Variants in MAN2B2 observed in about 807,000 individuals in gnomAD.
MAN2B2 encodes mannosidase alpha class 2B member 2.
Under a neutral mutation model 117.1 loss-of-function variants are expected in MAN2B2, and 106 were observed. The observed-to-expected ratio is 0.90, with a 90% CI of 0.77 to 1.06. MAN2B2 has a LOEUF of 1.06. Ranked by LOEUF, MAN2B2 falls within the 50% of genes least tolerant of loss-of-function variation. MAN2B2 has a pLI of 0.00. For synonymous variants in MAN2B2, 544 were observed against 595.1 expected (o/e 0.91, Z 1.25); for missense variants, 1,326 against 1,381.4 (o/e 0.96, Z 0.64).
intron 4 of MAN2B2, among the ~76,000 whole-genome samples, chr4:6,587,744 G>GTTTTTT (rs1553912035): frequency 7.8e-6 from 1 of 128,082 alleles, no homozygotes. Context: ...GGTCTTTTGG[G>GTTTTTT]TTGTTGTTTT....
At chr4:6,605,456 C>T in intron 11 of MAN2B2, 127 bp downstream of exon 11, 2 of 1,071,994 alleles carry the variant, frequency 1.9e-6, no homozygotes, top group South Asian at 3.3e-5. Flanking sequence ...GAAACCCCTT[C>T]CTGCTATTGT....
intron 4 of MAN2B2, 29 bp downstream of exon 4, chr4:6,587,197 C>T: frequency 3.7e-6 from 6 of 1,601,048 alleles, no homozygotes; most frequent in Non-Finnish European, 4.3e-6. Context: ...CTGCTGCCGC[C>T]CAGCGACCGC....
At position 6,621,474 on chromosome 4, in the gene MAN2B2, A is replaced by C. The variant is rs1319837953; in HGVS notation, c.*189A>C. 2 of 563,286 alleles carry C rather than the reference A, an allele frequency of 3.6e-6. No homozygotes were observed. The highest frequency in any genetic ancestry group is 6.3e-6 in the Non-Finnish European group (2 of 316,190). The allele number at this position is 563,286 out of a possible 1,614,324, so 34.9% of individuals were successfully genotyped here. A position where few individuals can be genotyped will look rare whatever the true frequency, so the allele number is the denominator to read the frequency against. ...TTTTTTAAACAAAAATTACATTACA[A>C]GATCCAGGTTCTTCCCCCCCACACT... On this transcript the variant is annotated 3_prime_UTR_variant, in exon 19 of 19. Coordinates refer to ENST00000285599, the MANE Select transcript of MAN2B2 (RefSeq NM_015274.3).
rs766435349 is a variant in MAN2B2, at chr4:6,597,139, T to C, written c.1084T>C (p.Tyr362His). ...TEPFQAWTGF[Y>H]TSRSSLKGLA... ...ACCATTCCAGGCCTGGACGGGCTTC[T>C]ACACGTCCCGCAGCTCACTGAAGGG... The change falls in exon 8 of 19, where the codon TAC becomes CAC. Residue 362 changes from tyrosine (Y) to histidine (H), a missense_variant. Tyr to His is a moderately conservative substitution (Grantham distance 83, BLOSUM62 2). Coordinates refer to ENST00000285599, the MANE Select transcript of MAN2B2 (RefSeq NM_015274.3). The C allele has an allele frequency of 1.9e-6, 3 of 1,613,452 alleles. No homozygotes were observed. Among genetic ancestry groups the C allele is most frequent in the Non-Finnish European group, 2.5e-6 (3 of 1,179,904 alleles).
chr4:6,612,648 C>A (rs372956631), intron 15 of MAN2B2, among the ~76,000 whole-genome samples: 1 of 152,182 alleles, frequency 6.6e-6, no homozygotes, highest in African/African-American at 2.4e-5. Flanking sequence ...TCTGATTGGC[C>A]TAGCAGGGTC....
chr4:6,617,734 G>A (rs1004866214), intron 17 of MAN2B2: 2 of 571,112 alleles, frequency 3.5e-6, no homozygotes, highest in Admixed American at 3.6e-5. Flanking sequence ...AGTCTGGGGT[G>A]CAGTGGCACA....
chr4:6,617,183 C>T (rs1711920653), intron 16 of MAN2B2, among the ~76,000 whole-genome samples, 197 bp from the exon 17 acceptor site: 1 of 152,172 alleles, frequency 6.6e-6, no homozygotes. Flanking sequence ...TTACCTCCCA[C>T]CAGGTCCCTC....
At chr4:6,614,135 G>C in intron 15 of MAN2B2, 83 bp from the exon 16 acceptor site, 1 of 1,524,306 alleles carries the variant, frequency 6.6e-7, no homozygotes, top group Admixed American at 1.8e-5. Context: ...AGGGGCAGGG[G>C]CATGTAATGT....
In MAN2B2 at chr4:6,578,384, CA is replaced by C. The variant is rs764211360; in HGVS notation, c.286-8del. 8.7e-6 allele frequency: 14 copies of C among 1,608,944 alleles called. No homozygotes were observed. Among genetic ancestry groups the C allele is most frequent in the African/African-American group, 1.3e-5 (1 of 74,756 alleles). ...ACTGGCTTTTTTCTCTCTGCCTGCC[CA>C]TGTCAAGGTCCGCCAGCTCCTGGAG... On this transcript the variant is annotated splice_region_variant and splice_polypyrimidine_tract_variant and intron_variant, in intron 2 of 18. Transcript: ENST00000285599.
At chr4:6,581,005 A>T (rs1216692277) in intron 3 of MAN2B2, among the ~76,000 whole-genome samples, 2 of 151,936 alleles carry the variant, frequency 1.3e-5, no homozygotes, top group Non-Finnish European at 2.9e-5. Context: ...GTCCAAGCTC[A>T]TGGGGCCCTC....
At chr4:6,599,662 CAA>C (rs34126657) in intron 9 of MAN2B2, among the ~76,000 whole-genome samples, 1,130 of 93,336 alleles carry the variant, frequency 0.012, 14 homozygotes, top group African/African-American at 0.045. Flanking sequence ...GACTCCGTCT[CAA>C]AAAAAAAAAA....
At chr4:6,610,767 C>T (rs1727736336) in intron 13 of MAN2B2, 113 bp from the exon 14 acceptor site, 8 of 857,122 alleles carry the variant, frequency 9.3e-6, no homozygotes, top group South Asian at 8.9e-5. Flanking sequence ...GGGTCCCAGC[C>T]CCATGCTGCT....
intron 2 of MAN2B2, 134 bp downstream of exon 2, chr4:6,576,858 AT>A: frequency 1.1e-6 from 1 of 936,780 alleles, no homozygotes; most frequent in Non-Finnish European, 1.6e-6. Flanking sequence ...CCACCGGGCT[AT>A]TCACAGCCTT....
Position 6,576,357 on chromosome 4 carries a change from G to T in MAN2B2, c.139-221G>T, listed in dbSNP as rs116668756. ...AGGGCACCTGTCTCTGCCCATGTAG[G>T]GTGTCTGTTTCCCCGTCCCTCTCCC... On this transcript the variant is annotated intron_variant, in intron 1 of 18. Coordinates refer to ENST00000285599, the MANE Select transcript of MAN2B2 (RefSeq NM_015274.3). Among the ~76,000 whole-genome samples, 1,019 of 152,274 alleles carry T rather than the reference G, an allele frequency of 6.7e-3. 13 individuals carry two copies. The highest frequency in any genetic ancestry group is 0.023 in the African/African-American group (962 of 41,544).
chr4:6,583,452 G>A (rs1726518078), intron 3 of MAN2B2, among the ~76,000 whole-genome samples: 1 of 152,204 alleles, frequency 6.6e-6, no homozygotes, highest in Non-Finnish European at 1.5e-5. Context: ...AGGACAGAAT[G>A]TATATCGGAC....
At chr4:6,585,175 C>T (rs1385744649) in intron 3 of MAN2B2, among the ~76,000 whole-genome samples, 1 of 152,176 alleles carries the variant, frequency 6.6e-6, no homozygotes, top group African/African-American at 2.4e-5. Context: ...CAGCCCCACT[C>T]CTCACCTCCC....
intron 3 of MAN2B2, among the ~76,000 whole-genome samples, chr4:6,579,225 C>CGAT (rs1726275647): frequency 1.9e-5 from 1 of 52,400 alleles, no homozygotes; most frequent in Non-Finnish European, 4.3e-5. Flanking sequence ...ACCACCACCA[C>CGAT]CACCATCACC....
At chr4:6,614,458 G>T in intron 16 of MAN2B2, 103 bp downstream of exon 16, 1 of 1,358,118 alleles carries the variant, frequency 7.4e-7, no homozygotes, top group Admixed American at 2.2e-5. Context: ...AGCTATCATG[G>T]CTCTGCAAGG....
chr4:6,610,983 A>G lies in MAN2B2; in HGVS notation c.2363A>G (p.Gln788Arg), dbSNP rs141412552. ...AHGISSQGNGQVEVMLHRRLW... is the reference protein window; with the variant it reads ...AHGISSQGNGRVEVMLHRRLW... ...GGCATCTCCAGCCAAGGGAATGGGC[A>G]GGTGGAGGTAGGAGGCACGGTCTGT... The change falls in exon 14 of 19, where the codon CAG becomes CGG. Residue 788 changes from glutamine (Q) to arginine (R), a missense_variant. Physicochemically the swap from Gln to Arg is conservative, Grantham distance 43. Coordinates refer to ENST00000285599, the MANE Select transcript of MAN2B2 (RefSeq NM_015274.3). The G allele has an allele frequency of 2.7e-4, 437 of 1,614,168 alleles. 3 individuals carry two copies. The African/African-American group carries it at 5.4e-3, about 20-fold the overall frequency.
Sources: gnomAD v4.1 joint callset for allele counts (sites outside exome capture counted in the v4.1 genomes callset) on GRCh38, gnomAD v4.1.1 for gene constraint, MANE v1.5 for transcripts, NCBI Gene and HGNC (gene_info 2026-07-23, HGNC 2026-07-21) for gene names.